BRDT: variants seen among roughly 807,000 people sequenced by gnomAD.
BRDT encodes bromodomain testis associated.
A neutral mutation model predicts 113.9 loss-of-function variants in BRDT; 77 were observed. The observed-to-expected ratio is 0.68, with a 90% confidence interval of 0.56 to 0.82. The LOEUF (loss-of-function observed/expected upper bound fraction) is 0.82. Among genes scored for constraint, BRDT ranks in the 40% least tolerant of loss-of-function variants. The pLI, the probability that BRDT is intolerant of heterozygous loss-of-function variation, is 0.00. For synonymous variants in BRDT, 358 were observed against 366.5 expected (o/e 0.98, Z 0.26); for missense variants, 1,027 against 1,105.4 (o/e 0.93, Z 1.01).
At chr1:91,985,980 T>C (rs561584340) in intron 12 of BRDT, among the ~76,000 whole-genome samples, 1 of 152,354 alleles carries the variant, frequency 6.6e-6, no homozygotes, top group East Asian at 1.9e-4. Context: ...GGAATCAGCA[T>C]GTCATTGCAA....
At chr1:92,001,882 T>C (rs2303968) in intron 15 of BRDT, among the ~76,000 whole-genome samples, 167 bp from the exon 16 acceptor site, 118,961 of 152,086 alleles carry the variant, frequency 0.78, 47,364 homozygotes, top group Non-Finnish European at 0.86. Context: ...AAATATTTTA[T>C]AGTATAACAA....
intron 1 of BRDT, among the ~76,000 whole-genome samples, chr1:91,953,845 A>G (rs1280174340): frequency 1.3e-5 from 2 of 152,124 alleles, no homozygotes; most frequent in African/African-American, 4.8e-5. Flanking sequence ...TTTATGATAC[A>G]TTGTTTTTGA....
rs1686926799 is a variant in BRDT at position 92,002,278 on chromosome 1, C to T, written c.2388+129C>T. The T allele has an allele frequency of 1.3e-5, 9 of 666,880 alleles. 1 individual carries two copies. In the South Asian group the frequency reaches 1.5e-4, roughly 11 times the overall value. 41.3% of individuals were successfully genotyped at this position (666,880 alleles called of 1,614,324 possible). On this transcript the variant is annotated intron_variant, in intron 16 of 18. Coordinates refer to ENST00000399546, the MANE Select transcript of BRDT (RefSeq NM_207189.4). Reference sequence around the variant, plus strand: ...GATCTCTAAGCCTAATTTTTGCCTACGTAATTTTTTGAAAAAGTACTTCTG... The same window carrying T: ...GATCTCTAAGCCTAATTTTTGCCTATGTAATTTTTTGAAAAAGTACTTCTG...
At position 91,960,401 on chromosome 1, in the gene BRDT, G is replaced by T. The variant is rs924504637; in HGVS notation, c.-37-2317G>T. ...TTCTAACACACGCTACAACATGGATGAATCTTGAGGGCTTTGTATTAGGAA... is the reference window on the plus strand; with the variant it reads ...TTCTAACACACGCTACAACATGGATTAATCTTGAGGGCTTTGTATTAGGAA... On this transcript the variant is annotated intron_variant, in intron 1 of 18. Transcript: ENST00000399546. Among the ~76,000 whole-genome samples the T allele has an allele frequency of 1.5e-4, 23 of 152,212 alleles. 1 individual carries two copies. Among genetic ancestry groups the T allele is most frequent in the Admixed American group, 1.5e-3 (23 of 15,280 alleles).
At chr1:91,966,193 T>A (rs1384003828) in intron 3 of BRDT, among the ~76,000 whole-genome samples, 2 of 152,148 alleles carry the variant, frequency 1.3e-5, no homozygotes, top group Non-Finnish European at 2.9e-5. Context: ...CCTACAGTAC[T>A]GTATCCTGTT....
intron 1 of BRDT, among the ~76,000 whole-genome samples, chr1:91,955,701 A>G (rs1557796784): frequency 6.6e-6 from 1 of 152,230 alleles, no homozygotes; most frequent in Non-Finnish European, 1.5e-5. Context: ...GGGTAATGAC[A>G]GTGGATACAT....
At chr1:92,000,243 T>C (rs1422242737) in intron 15 of BRDT, among the ~76,000 whole-genome samples, 2 of 152,206 alleles carry the variant, frequency 1.3e-5, no homozygotes, top group Non-Finnish European at 2.9e-5. Flanking sequence ...CTTACCAACT[T>C]AGAGTCAGCA....
At chr1:91,952,982 A>G (rs1028666412) in intron 1 of BRDT, among the ~76,000 whole-genome samples, 1 of 152,104 alleles carries the variant, frequency 6.6e-6, no homozygotes, top group Non-Finnish European at 1.5e-5. Flanking sequence ...TTTAAGTTCT[A>G]GGGTACATGT....
chr1:92,006,101 T>G (rs1469093436), intron 18 of BRDT, among the ~76,000 whole-genome samples: 1 of 152,264 alleles, frequency 6.6e-6, no homozygotes, highest in African/African-American at 2.4e-5. Flanking sequence ...TACACATATC[T>G]GACTGAATTG....
intron 1 of BRDT, among the ~76,000 whole-genome samples, chr1:91,950,982 C>T (rs1681002694): frequency 6.6e-6 from 1 of 150,702 alleles, no homozygotes; most frequent in Non-Finnish European, 1.5e-5. Context: ...GAGCTGAGAT[C>T]GGGCCACTGC....
intron 18 of BRDT, among the ~76,000 whole-genome samples, chr1:92,007,721 A>G (rs987643786): frequency 4.6e-5 from 7 of 152,192 alleles, no homozygotes; most frequent in Middle Eastern, 3.4e-3. Context: ...ACGTTATACC[A>G]CCTCATGTTT....
At chr1:91,967,984 GAAAAT>G (rs1219725160) in intron 3 of BRDT, among the ~76,000 whole-genome samples, 157 bp from the exon 4 acceptor site, 2 of 152,192 alleles carry the variant, frequency 1.3e-5, no homozygotes, top group African/African-American at 4.8e-5. Context: ...TAGAGAATAA[GAAAAT>G]AAAATGTGAG....
At chr1:91,958,785 G>A (rs1036034437) in intron 1 of BRDT, among the ~76,000 whole-genome samples, 5 of 152,192 alleles carry the variant, frequency 3.3e-5, no homozygotes, top group Admixed American at 6.5e-5. Context: ...GCGGGGAACC[G>A]TGGGCTTACC....
At chr1:92,009,324 T>C (rs1477957426) in intron 18 of BRDT, among the ~76,000 whole-genome samples, 1 of 132,216 alleles carries the variant, frequency 7.6e-6, no homozygotes, top group Non-Finnish European at 1.7e-5. Flanking sequence ...AGTGTTCCAT[T>C]ATATATATAT....
At chr1:92,003,399 G>C (rs555930533) in intron 16 of BRDT, among the ~76,000 whole-genome samples, 1 of 152,080 alleles carries the variant, frequency 6.6e-6, no homozygotes, top group Admixed American at 6.6e-5. Context: ...TTTTAGTATT[G>C]CACAGCCCTC....
At chr1:92,006,500 T>G (rs974588825) in intron 18 of BRDT, among the ~76,000 whole-genome samples, 1 of 152,182 alleles carries the variant, frequency 6.6e-6, no homozygotes. Context: ...AAGTTTCGCT[T>G]TTGTTGCCCA....
At chr1:91,966,841 C>A (rs1379640048) in intron 3 of BRDT, among the ~76,000 whole-genome samples, 1 of 152,086 alleles carries the variant, frequency 6.6e-6, no homozygotes, top group Non-Finnish European at 1.5e-5. Flanking sequence ...GAGGCCAAGG[C>A]GGGTGGATCA....
intron 1 of BRDT, among the ~76,000 whole-genome samples, chr1:91,954,624 C>T (rs766950651): frequency 1.3e-4 from 20 of 151,976 alleles, no homozygotes; most frequent in Non-Finnish European, 2.5e-4. Context: ...GTTTTGAAAG[C>T]GGAAATAACA....
chr1:91,951,600 C>T (rs1049645495), intron 1 of BRDT, among the ~76,000 whole-genome samples: 3 of 151,310 alleles, frequency 2.0e-5, no homozygotes, highest in Non-Finnish European at 2.9e-5. Flanking sequence ...GGTGAAACCC[C>T]GTCTCTACTA....
Sources: gnomAD v4.1 joint callset for allele counts (sites outside exome capture counted in the v4.1 genomes callset) on GRCh38, gnomAD v4.1.1 for gene constraint, MANE v1.5 for transcripts, NCBI Gene and HGNC (gene_info 2026-07-23, HGNC 2026-07-21) for gene names.